SLC35D4: variants seen among roughly 807,000 people sequenced by gnomAD.
SLC35D4 encodes UDP-N-acetylglucosamine transporter SLC35D4.
chr18:23,337,102 A>G, the SLC35D4 span, among the ~76,000 whole-genome samples: 1 of 151,456 alleles, frequency 6.6e-6, no homozygotes, highest in Admixed American at 6.6e-5. Flanking sequence ...CCTCCTCAGA[A>G]GTTCAAGGTA....
chr18:23,347,142 CT>C, the SLC35D4 span, among the ~76,000 whole-genome samples: 2 of 152,084 alleles, frequency 1.3e-5, no homozygotes, highest in African/African-American at 4.8e-5. Context: ...CTGAGCTTTT[CT>C]TTTCCTAAAA....
chr18:23,424,223 GA>G, the SLC35D4 span, among the ~76,000 whole-genome samples: 1 of 152,190 alleles, frequency 6.6e-6, no homozygotes, highest in Admixed American at 6.5e-5. Context: ...GGAGACAAAG[GA>G]AACAAGAATC....
the SLC35D4 span, among the ~76,000 whole-genome samples, chr18:23,274,808 C>G: frequency 3.3e-5 from 5 of 152,252 alleles, no homozygotes; most frequent in African/African-American, 1.2e-4. Flanking sequence ...CAGCCTCCCC[C>G]ACACACTCCC....
chr18:23,397,597 G>T, the SLC35D4 span, among the ~76,000 whole-genome samples: 63 of 152,306 alleles, frequency 4.1e-4, 2 homozygotes, highest in Admixed American at 4.1e-3. Flanking sequence ...TATATGAACT[G>T]GTAAATCTTC....
chr18:23,355,623 A>T, the SLC35D4 span, among the ~76,000 whole-genome samples: 1 of 146,716 alleles, frequency 6.8e-6, no homozygotes, highest in Non-Finnish European at 1.5e-5. Flanking sequence ...CAAACACACC[A>T]GAGGAGCAGG....
chr18:23,328,586 T>C, the SLC35D4 span, among the ~76,000 whole-genome samples: 1 of 152,182 alleles, frequency 6.6e-6, no homozygotes, highest in Non-Finnish European at 1.5e-5. Context: ...TATTCCATGC[T>C]CATGGATAGG....
chr18:23,260,905 GAAAAGAAGAA>G, the SLC35D4 span, among the ~76,000 whole-genome samples: 1 of 152,148 alleles, frequency 6.6e-6, no homozygotes, highest in Non-Finnish European at 1.5e-5. Flanking sequence ...TTCAAAGCTG[GAAAAGAAGAA>G]AAATGGCAGG....
chr18:23,351,432 AC>A, the SLC35D4 span, among the ~76,000 whole-genome samples: 61 of 5,554 alleles, frequency 0.011, no homozygotes, highest in African/African-American at 0.013. Flanking sequence ...AAAAACAAAA[AC>A]AAAAACAAAA....
chr18:23,332,277 A>G, the SLC35D4 span, among the ~76,000 whole-genome samples: 1 of 152,218 alleles, frequency 6.6e-6, no homozygotes. Flanking sequence ...GTGGAAGAGT[A>G]CAATTCAATA....
chr18:23,276,398 A>G, the SLC35D4 span, among the ~76,000 whole-genome samples: 1 of 151,422 alleles, frequency 6.6e-6, no homozygotes, highest in Admixed American at 6.6e-5. Flanking sequence ...AGAAAAGGGC[A>G]CATTTTATGT....
the SLC35D4 span, among the ~76,000 whole-genome samples, chr18:23,287,091 C>T: frequency 6.6e-6 from 1 of 151,982 alleles, no homozygotes; most frequent in African/African-American, 2.4e-5. Flanking sequence ...TGTTATCACT[C>T]GCCTGCTACA....
At chr18:23,297,856 G>C in the SLC35D4 span, 2 of 840,284 alleles carry the variant, frequency 2.4e-6, no homozygotes. Flanking sequence ...TCACTTGGGT[G>C]AGGGTGATGG....
chr18:23,412,518 T>C, the SLC35D4 span, among the ~76,000 whole-genome samples: 1 of 152,192 alleles, frequency 6.6e-6, no homozygotes, highest in Non-Finnish European at 1.5e-5. Flanking sequence ...ACTATGCTTG[T>C]CAGTCTTACT....
At chr18:23,313,949 C>T in the SLC35D4 span, among the ~76,000 whole-genome samples, 1 of 152,232 alleles carries the variant, frequency 6.6e-6, no homozygotes, top group Non-Finnish European at 1.5e-5. Context: ...CAGACCTTGG[C>T]CTTATGACTA....
chr18:23,282,215 A>G, the SLC35D4 span, among the ~76,000 whole-genome samples: 1 of 152,202 alleles, frequency 6.6e-6, no homozygotes, highest in Admixed American at 6.5e-5. Context: ...CAGGAAATCA[A>G]TGACTCAAAT....
chr18:23,314,899 C>T, the SLC35D4 span, among the ~76,000 whole-genome samples: 47 of 152,340 alleles, frequency 3.1e-4, no homozygotes, highest in South Asian at 5.6e-3. Flanking sequence ...GCTTTGTCAA[C>T]GGCTGGCACA....
At chr18:23,317,166 C>T in the SLC35D4 span, among the ~76,000 whole-genome samples, 1 of 150,510 alleles carries the variant, frequency 6.6e-6, no homozygotes, top group African/African-American at 2.4e-5. Context: ...CACACACACA[C>T]ACACACACAC....
chr18:23,313,656 C>T, the SLC35D4 span, among the ~76,000 whole-genome samples: 1 of 152,170 alleles, frequency 6.6e-6, no homozygotes, highest in African/African-American at 2.4e-5. Context: ...GAATGCATTG[C>T]TTTTCCCATT....
the SLC35D4 span, among the ~76,000 whole-genome samples, chr18:23,246,479 C>T: frequency 6.6e-6 from 1 of 151,790 alleles, no homozygotes; most frequent in African/African-American, 2.4e-5. Context: ...GCAAGCTCCG[C>T]CTCCCGGGTT....
Sources: allele counts gnomAD v4.1 joint callset (sites outside exome capture counted in the v4.1 genomes callset), GRCh38; gene constraint gnomAD v4.1.1; transcripts MANE v1.5; gene names NCBI Gene and HGNC (gene_info 2026-07-23, HGNC 2026-07-21).